TNPO1: variants seen among roughly 807,000 people sequenced by gnomAD.
TNPO1 encodes the protein transportin-1.
Under a neutral mutation model 119.5 loss-of-function variants are expected in TNPO1, and 8 were observed. That is an observed-to-expected ratio of 0.07 (90% CI 0.04 to 0.12). The LOEUF (loss-of-function observed/expected upper bound fraction) is 0.12. TNPO1 is among the 10% of genes least tolerant of loss of function. The pLI is 1.00. For synonymous variants in TNPO1, 362 were observed against 363.0 expected, an observed-to-expected ratio of 1.00 and a Z score of 0.03; for missense variants, 576 against 1,089.8, an observed-to-expected ratio of 0.53 and a Z score of 6.64.
chr5:72,823,574 A>G (rs769196645), intron 1 of TNPO1, among the ~76,000 whole-genome samples: 2 of 152,044 alleles, frequency 1.3e-5, no homozygotes, highest in African/African-American at 2.4e-5. Context: ...TCTCCAACCC[A>G]TTGATCCTAT....
chr5:72,885,544 T>C (rs1365875995), intron 11 of TNPO1, among the ~76,000 whole-genome samples: 3 of 152,204 alleles, frequency 2.0e-5, no homozygotes, highest in Admixed American at 2.0e-4. Context: ...GAAATCAGAT[T>C]ATATGTACTC....
chr5:72,891,186 T>C (rs62360681), intron 14 of TNPO1, among the ~76,000 whole-genome samples: 1 of 151,656 alleles, frequency 6.6e-6, no homozygotes, highest in Admixed American at 6.6e-5. Flanking sequence ...AAAACTTAGG[T>C]CTGGGCACAG....
rs1230420852 is a variant in TNPO1 at position 72,834,873 on chromosome 5, TA to T, written c.16-13511del. Among the ~76,000 whole-genome samples the T allele has an allele frequency of 1.2e-4, 18 of 152,360 alleles. No homozygotes were observed. In the South Asian group the frequency reaches 3.7e-3, roughly 32 times the overall value. On this transcript the variant is annotated intron_variant, in intron 1 of 24. Coordinates refer to ENST00000337273, the MANE Select transcript of TNPO1 (RefSeq NM_002270.4). ...CCATTTTTTTATTTTTCATGCTTTTTATACTTTATTTTTTATTTTTATGCCT... is the reference window on the plus strand; with the variant it reads ...CCATTTTTTTATTTTTCATGCTTTTTTACTTTATTTTTTATTTTTATGCCT...
At chr5:72,904,430 A>G (rs1351835510) in intron 23 of TNPO1, among the ~76,000 whole-genome samples, 1 of 152,168 alleles carries the variant, frequency 6.6e-6, no homozygotes, top group African/African-American at 2.4e-5. Context: ...CTCAAAGCAG[A>G]GTTTAAGCAT....
rs1197461853 is a variant in TNPO1 at position 72,848,155 on chromosome 5, C to CGCG, written c.16-224_16-222dup. On this transcript the variant is annotated intron_variant, in intron 1 of 24. Transcript: ENST00000337273. ...TGGTCGGCTCCTTGCGCTCGGCGGC[C>CGCG]GCGGCGGCAGCAGCAGCAGACGCTG... The CGCG allele has an allele frequency of 4.7e-5, 57 of 1,210,662 alleles. 1 individual carries two copies. In the East Asian group the frequency reaches 1.5e-3, roughly 31 times the overall value. The allele number at this position is 1,210,662 out of a possible 1,614,324, so 75.0% of individuals were successfully genotyped here. A position where few individuals can be genotyped will look rare whatever the true frequency, so the allele number is the denominator to read the frequency against.
intron 6 of TNPO1, chr5:72,871,658 A>T (rs531388542): frequency 1.3e-5 from 2 of 152,256 alleles, no homozygotes; most frequent in South Asian, 4.1e-4. Flanking sequence ...AAAGTAAGGA[A>T]GTGAGTCTAT....
At chr5:72,869,512 A>C (rs1449044350) in intron 6 of TNPO1, among the ~76,000 whole-genome samples, 3 of 152,142 alleles carry the variant, frequency 2.0e-5, no homozygotes, top group African/African-American at 7.2e-5. Context: ...GCGCCACTGC[A>C]CTCCCTCCTG....
intron 18 of TNPO1, 21 bp from the exon 19 acceptor site, chr5:72,896,437 T>G: frequency 1.9e-6 from 3 of 1,577,370 alleles, no homozygotes; most frequent in Non-Finnish European, 2.6e-6. Context: ...GTTTACTACA[T>G]AGTTTAAATT....
chr5:72,836,765 G>A (rs1312592436), intron 1 of TNPO1, among the ~76,000 whole-genome samples: 1 of 152,122 alleles, frequency 6.6e-6, no homozygotes, highest in Non-Finnish European at 1.5e-5. Flanking sequence ...GAGAAGCCAT[G>A]CCACACCTTG....
At chr5:72,835,573 C>T (rs116959946) in intron 1 of TNPO1, among the ~76,000 whole-genome samples, 1 of 152,178 alleles carries the variant, frequency 6.6e-6, no homozygotes, top group East Asian at 1.9e-4. Flanking sequence ...GGTATTAATC[C>T]CATTAATGAG....
At chr5:72,829,718 T>C (rs1744362465) in intron 1 of TNPO1, among the ~76,000 whole-genome samples, 1 of 152,016 alleles carries the variant, frequency 6.6e-6, no homozygotes, top group Non-Finnish European at 1.5e-5. Context: ...CAAATGAGAG[T>C]ATGTGATTGG....
chr5:72,868,723 T>G (rs1747145311), intron 6 of TNPO1, among the ~76,000 whole-genome samples: 1 of 152,012 alleles, frequency 6.6e-6, no homozygotes, highest in South Asian at 2.1e-4. Flanking sequence ...TTGGAGTGTT[T>G]GAGGCTTTTT....
At chr5:72,824,283 AAT>A (rs1431113727) in intron 1 of TNPO1, among the ~76,000 whole-genome samples, 1 of 152,192 alleles carries the variant, frequency 6.6e-6, no homozygotes, top group African/African-American at 2.4e-5. Flanking sequence ...CTTAGGAAAA[AAT>A]CTTGTCCCAC....
Position 72,893,134 on chromosome 5 carries a change from C to T in TNPO1, c.1789-5C>T. 2 of 1,609,354 alleles carry T rather than the reference C, an allele frequency of 1.2e-6. No homozygotes were observed. Among genetic ancestry groups the T allele is most frequent in the African/African-American group, 1.3e-5 (1 of 74,772 alleles). On this transcript the variant is annotated splice_region_variant and splice_polypyrimidine_tract_variant and intron_variant, in intron 15 of 24. Transcript: ENST00000337273. ...AGTTTAGCATGTGTACTTTATTCTT[C>T]CTAGTGCCTATCTTCAGTTGCCACA...
chr5:72,848,264 T>TG, intron 1 of TNPO1, 121 bp from the exon 2 acceptor site: 5 of 1,306,832 alleles, frequency 3.8e-6, no homozygotes, highest in Non-Finnish European at 4.9e-6. Context: ...CCGCGGCGTT[T>TG]GGGGAGCGCT....
At chr5:72,892,611 C>A (rs1749144628) in intron 15 of TNPO1, among the ~76,000 whole-genome samples, 1 of 152,106 alleles carries the variant, frequency 6.6e-6, no homozygotes, top group Non-Finnish European at 1.5e-5. Context: ...AGAAATCCAG[C>A]GATGCTCAAG....
chr5:72,836,206 A>G (rs1197401577), intron 1 of TNPO1, among the ~76,000 whole-genome samples: 1 of 152,118 alleles, frequency 6.6e-6, no homozygotes, highest in East Asian at 1.9e-4. Context: ...CCCCGCTACC[A>G]CAGCTCCACT....
intron 15 of TNPO1, among the ~76,000 whole-genome samples, chr5:72,892,131 T>TA (rs1206595319): frequency 6.6e-6 from 1 of 151,968 alleles, no homozygotes; most frequent in African/African-American, 2.4e-5. Context: ...CTCTATATAG[T>TA]ATAGAGTAGA....
At chr5:72,902,808 A>G (rs1191893885) in intron 22 of TNPO1, among the ~76,000 whole-genome samples, 11 of 152,126 alleles carry the variant, frequency 7.2e-5, no homozygotes, top group African/African-American at 7.2e-5. Context: ...TTTAATCACA[A>G]ATTCTGGGTA....
Sources: gnomAD v4.1 joint callset for allele counts (sites outside exome capture counted in the v4.1 genomes callset) on GRCh38, gnomAD v4.1.1 for gene constraint, MANE v1.5 for transcripts, NCBI Gene and HGNC (gene_info 2026-07-23, HGNC 2026-07-21) for gene names.